Variants in ZFHX3 observed in about 807,000 individuals in gnomAD.
The protein encoded by ZFHX3 is zinc finger homeobox protein 3.
In ZFHX3, 42 loss-of-function variants were observed where a neutral mutation model predicts 279.1. The observed-to-expected ratio is 0.15, with a 90% CI of 0.12 to 0.19. The LOEUF (loss-of-function observed/expected upper bound fraction) is 0.19. ZFHX3 is among the 10% of genes least tolerant of loss of function. ZFHX3 has a pLI of 1.00. For synonymous variants in ZFHX3, 2,293 were observed against 1,957.8 expected (o/e 1.17, Z -4.52); for missense variants, 4,981 against 4,754.0 (o/e 1.05, Z -1.40).
At chr16:73,440,315 G>C (rs2143535186) in intron 3 of ZFHX3, among the ~76,000 whole-genome samples, 1 of 152,316 alleles carries the variant, frequency 6.6e-6, no homozygotes, top group Admixed American at 6.5e-5. Flanking sequence ...AGACAAACGA[G>C]TGTGTCCAAG....
chr16:73,850,997 C>T (rs755467098), intron 1 of ZFHX3, among the ~76,000 whole-genome samples: 1 of 152,106 alleles, frequency 6.6e-6, no homozygotes, highest in Non-Finnish European at 1.5e-5. Context: ...ATTATTTTAT[C>T]CTTTTTTTCC....
chr16:73,844,061 T>C (rs1340107025), intron 1 of ZFHX3, among the ~76,000 whole-genome samples: 1 of 152,220 alleles, frequency 6.6e-6, no homozygotes, highest in Non-Finnish European at 1.5e-5. Context: ...CCAGAAACCC[T>C]TCAGTGACCA....
chr16:73,642,023 A>T (rs2052577583), intron 2 of ZFHX3, among the ~76,000 whole-genome samples: 1 of 152,018 alleles, frequency 6.6e-6, no homozygotes, highest in African/African-American at 2.4e-5. Context: ...GAATTCAGGC[A>T]GTGTGAGGGA....
chr16:72,936,837 T>C (rs980485275), intron 3 of ZFHX3, among the ~76,000 whole-genome samples: 57 of 151,864 alleles, frequency 3.8e-4, no homozygotes, highest in African/African-American at 1.2e-3. Context: ...AATCCCTGTA[T>C]GGAGAGGGGA....
chr16:73,594,438 G>T (rs936370017), intron 2 of ZFHX3, among the ~76,000 whole-genome samples: 2 of 152,074 alleles, frequency 1.3e-5, no homozygotes, highest in African/African-American at 4.8e-5. Context: ...AATGAAAATC[G>T]CAAGCAATAG....
chr16:72,959,606 C>T lies in ZFHX3; in HGVS notation c.540G>A (p.Lys180=), dbSNP rs953389460. The change falls in exon 2 of 10, where the codon AAG becomes AAA. Residue 180 remains lysine, a synonymous_variant. Coordinates refer to ENST00000268489, the MANE Select transcript of ZFHX3 (RefSeq NM_006885.4). The part of the protein sequence containing the change: ...FLNSLPGAGG[K]QGDPSCAAPV... ...GTGCAGCACACGAAGGGTCCCCTTG[C>T]TTGCCCCCCGCGCCAGGGAGAGAGT... 25 of 1,614,046 alleles carry T rather than the reference C, an allele frequency of 1.5e-5. No individual in the cohort carries two copies. The highest frequency in any genetic ancestry group is 2.0e-5 in the Non-Finnish European group (24 of 1,180,050).
intron 1 of ZFHX3, among the ~76,000 whole-genome samples, chr16:73,783,040 G>C (rs750089421): frequency 1.3e-5 from 2 of 152,130 alleles, no homozygotes; most frequent in Non-Finnish European, 2.9e-5. Flanking sequence ...AGTTGCCAGA[G>C]AGAGAGGGGG....
intron 1 of ZFHX3, among the ~76,000 whole-genome samples, chr16:73,023,554 T>G (rs979570386): frequency 1.3e-5 from 2 of 152,166 alleles, no homozygotes; most frequent in Non-Finnish European, 2.9e-5. Context: ...CCCGGCTCCC[T>G]CCCACGATGC....
intron 2 of ZFHX3, among the ~76,000 whole-genome samples, chr16:73,612,639 G>A (rs548152337): frequency 6.6e-6 from 1 of 152,288 alleles, no homozygotes; most frequent in South Asian, 2.1e-4. Context: ...ACAAAACGAG[G>A]TGTATTTCCA....
intron 5 of ZFHX3, among the ~76,000 whole-genome samples, chr16:73,235,573 G>A (rs918901646): frequency 3.3e-5 from 5 of 152,164 alleles, no homozygotes; most frequent in African/African-American, 4.8e-5. Context: ...CTCGGCTCTG[G>A]TCACCTGATG....
intron 1 of ZFHX3, among the ~76,000 whole-genome samples, chr16:73,859,725 G>A (rs1417038684): frequency 2.0e-5 from 3 of 149,856 alleles, no homozygotes; most frequent in Admixed American, 6.6e-5. Flanking sequence ...TTTTAGCAAG[G>A]AGAAAGGTGA....
intron 1 of ZFHX3, among the ~76,000 whole-genome samples, chr16:72,981,634 A>C (rs1048204221): frequency 6.6e-6 from 1 of 152,158 alleles, no homozygotes; most frequent in Non-Finnish European, 1.5e-5. Flanking sequence ...CTCTGTAGGT[A>C]AACGGCCCAG....
intron 8 of ZFHX3, among the ~76,000 whole-genome samples, chr16:73,086,268 T>A (rs1966010923): frequency 6.6e-6 from 1 of 152,176 alleles, no homozygotes; most frequent in Non-Finnish European, 1.5e-5. Flanking sequence ...TTGGTGGGAA[T>A]GTAAATTAGT....
intron 2 of ZFHX3, among the ~76,000 whole-genome samples, chr16:73,613,342 G>T (rs2052265994): frequency 6.6e-6 from 1 of 151,898 alleles, no homozygotes; most frequent in South Asian, 2.1e-4. Context: ...GTTCGTAAAA[G>T]AAATAAACAT....
rs1330396119 is a variant in ZFHX3, at chr16:73,038,709, T to G, written c.-50+9043A>C. Among the ~76,000 whole-genome samples the G allele has an allele frequency of 2.0e-5, 3 of 152,200 alleles. No homozygotes were observed. The East Asian group carries it at 5.8e-4, about 29-fold the overall frequency. On this transcript the variant is annotated intron_variant, in intron 1 of 9. Coordinates refer to ENST00000268489, the MANE Select transcript of ZFHX3 (RefSeq NM_006885.4). Reference sequence around the variant, plus strand: ...TCTCTCTCTCTCTATTGGACAGCACTAGAGAGGTGCAAATGTTACCACCTC... The same window carrying G: ...TCTCTCTCTCTCTATTGGACAGCACGAGAGAGGTGCAAATGTTACCACCTC...
At chr16:73,464,100 G>A (rs2018519671) in intron 2 of ZFHX3, among the ~76,000 whole-genome samples, 1 of 151,912 alleles carries the variant, frequency 6.6e-6, no homozygotes, top group East Asian at 1.9e-4. Context: ...AAGTGCCTTT[G>A]CTTAGTAAAA....
intron 2 of ZFHX3, among the ~76,000 whole-genome samples, chr16:73,674,922 C>T (rs988600972): frequency 6.6e-6 from 1 of 152,050 alleles, no homozygotes; most frequent in Non-Finnish European, 1.5e-5. Context: ...TGAACCCAGC[C>T]CAAATTACTG....
chr16:72,932,570 G>C (rs961204678), intron 3 of ZFHX3, among the ~76,000 whole-genome samples: 1 of 150,546 alleles, frequency 6.6e-6, no homozygotes, highest in Non-Finnish European at 1.5e-5. Flanking sequence ...GATTGGCCAA[G>C]GTTAAATTAC....
intron 4 of ZFHX3, among the ~76,000 whole-genome samples, chr16:73,258,490 C>T (rs1046365715): frequency 3.9e-5 from 6 of 151,980 alleles, no homozygotes; most frequent in African/African-American, 1.5e-4. Context: ...ACTGGGACTA[C>T]AGGCGCCCAC....
Sources: gnomAD v4.1 joint callset for allele counts (sites outside exome capture counted in the v4.1 genomes callset) on GRCh38, gnomAD v4.1.1 for gene constraint, MANE v1.5 for transcripts, NCBI Gene and HGNC (gene_info 2026-07-23, HGNC 2026-07-21) for gene names.